The following PGAP1 variants were observed in gnomAD, a reference collection of about 807,000 sequenced individuals.
PGAP1 encodes post-GPI attachment to proteins inositol deacylase 1, also known as GPI inositol-deacylase.
Under a neutral mutation model 127.0 loss-of-function variants are expected in PGAP1, and 76 were observed. That is an observed-to-expected ratio of 0.60 (90% CI 0.50 to 0.72). The LOEUF (loss-of-function observed/expected upper bound fraction) is 0.72. Ranked by LOEUF, PGAP1 falls within the 30% of genes least tolerant of loss-of-function variation. The pLI is 0.00. For synonymous variants in PGAP1, 362 were observed against 366.5 expected, an observed-to-expected ratio of 0.99 and a Z score of 0.14; for missense variants, 982 against 1,071.3, an observed-to-expected ratio of 0.92 and a Z score of 1.16.
intron 4 of PGAP1, among the ~76,000 whole-genome samples, chr2:196,904,159 A>G (rs1022642261): frequency 6.6e-6 from 1 of 152,218 alleles, no homozygotes; most frequent in South Asian, 2.1e-4. Flanking sequence ...CTGGAAGGCC[A>G]GGTTCAAATT....
intron 3 of PGAP1, 124 bp downstream of exon 3, chr2:196,916,294 A>T: frequency 1.2e-6 from 1 of 834,578 alleles, no homozygotes; most frequent in Non-Finnish European, 1.6e-6. Context: ...TCACAAAAAA[A>T]ATTTGTGCCT....
chr2:196,872,909 T>C (rs1224594603), intron 17 of PGAP1, 51 bp downstream of exon 17: 6 of 698,616 alleles, frequency 8.6e-6, no homozygotes, highest in Non-Finnish European at 1.5e-5. Flanking sequence ...AAGCAGAATA[T>C]CTATTATTCA....
intron 25 of PGAP1, among the ~76,000 whole-genome samples, chr2:196,843,102 C>T (rs767215807): frequency 1.3e-5 from 2 of 151,964 alleles, no homozygotes; most frequent in Middle Eastern, 3.4e-3. Context: ...ATGTTTAAAA[C>T]GGCATAAAGT....
Position 196,834,304 on chromosome 2 carries a change from G to A in PGAP1, c.*6930C>T, listed in dbSNP as rs958614426. ...ATTAAGGGAGGCCTCTACAGCAATA[G>A]TTCTGGAAATACTAAAGGAAATACC... On this transcript the variant is annotated 3_prime_UTR_variant, in exon 27 of 27. Transcript: ENST00000354764. 3 of 152,262 alleles carry A rather than the reference G, an allele frequency of 2.0e-5. No homozygotes were observed. Among genetic ancestry groups the A allele is most frequent in the Non-Finnish European group, 4.4e-5 (3 of 67,906 alleles). 9.4% of individuals were successfully genotyped at this position (152,262 alleles called of 1,614,324 possible). A position where few individuals can be genotyped will look rare whatever the true frequency, so the allele number is the denominator to read the frequency against.
In PGAP1 at chr2:196,864,978, C is replaced by T. The variant is rs1418460059; in HGVS notation, c.1861+9G>A. Reference sequence around the variant, plus strand: ...ACAAAAGTAACTTAAAAATTAGAAGCATTCTTACCTGTTGAGAAAAGAGAA... The same window carrying T: ...ACAAAAGTAACTTAAAAATTAGAAGTATTCTTACCTGTTGAGAAAAGAGAA... On this transcript the variant is annotated intron_variant, in intron 20 of 26. Transcript: ENST00000354764. The T allele has an allele frequency of 4.1e-6, 6 of 1,446,936 alleles. No homozygotes were observed. The highest frequency in any genetic ancestry group is 2.9e-5 in the African/African-American group (2 of 68,056). 89.6% of individuals were successfully genotyped at this position (1,446,936 alleles called of 1,614,324 possible).
At position 196,840,872 on chromosome 2, in the gene PGAP1, G is replaced by C. The variant is rs1467268479; in HGVS notation, c.*362C>G. ...GAAAAAAAGTTTGATGAAATGAGCA[G>C]AATGCTTGCAGTGAGACTGCAAATA... On this transcript the variant is annotated 3_prime_UTR_variant, in exon 27 of 27. Transcript: ENST00000354764. 5.9e-6 allele frequency: 1 copy of C among 169,556 alleles called. No homozygotes were observed. The allele number at this position is 169,556 out of a possible 1,614,324, so 10.5% of individuals were successfully genotyped here. A position where few individuals can be genotyped will look rare whatever the true frequency, so the allele number is the denominator to read the frequency against.
chr2:196,851,267 ACT>A (rs1205112156), intron 20 of PGAP1, among the ~76,000 whole-genome samples: 4 of 152,132 alleles, frequency 2.6e-5, no homozygotes, highest in Non-Finnish European at 4.4e-5. Flanking sequence ...GTCACAGAAG[ACT>A]CTGCAAAAAC....
intron 14 of PGAP1, among the ~76,000 whole-genome samples, chr2:196,875,059 A>G (rs922664842): frequency 6.6e-6 from 1 of 152,176 alleles, no homozygotes; most frequent in Admixed American, 6.5e-5. Flanking sequence ...CAAATAAGGA[A>G]CATTGCACAA....
At chr2:196,864,301 A>G (rs1701163198) in intron 20 of PGAP1, among the ~76,000 whole-genome samples, 1 of 151,092 alleles carries the variant, frequency 6.6e-6, no homozygotes, top group South Asian at 2.1e-4. Flanking sequence ...GAGGCAGTAG[A>G]ATCACATGAA....
rs771672387 is a variant in PGAP1 at position 196,885,837 on chromosome 2, A to T, written c.1217T>A (p.Met406Lys). ...WIFACINSTS[M>K]CLQGVDLSWK... ...AACATGCATTCAAAAGACTTACCAC[A>T]TAGAAGTGCTGTTTATGCAAGCAAA... Residue 406 changes from methionine (M) to lysine (K), a missense_variant, in exon 11 of 27, where the codon ATG (methionine) becomes AAG (lysine). Physicochemically the swap from Met to Lys is moderately conservative, Grantham distance 95. Coordinates refer to ENST00000354764, the MANE Select transcript of PGAP1 (RefSeq NM_024989.4). 7.0e-7 allele frequency: 1 copy of T among 1,420,436 alleles called. No individual in the cohort carries two copies. Among genetic ancestry groups the T allele is most frequent in the Non-Finnish European group, 9.2e-7 (1 of 1,083,546 alleles). The allele number at this position is 1,420,436 out of a possible 1,614,324, so 88.0% of individuals were successfully genotyped here. A position where few individuals can be genotyped will look rare whatever the true frequency, so the allele number is the denominator to read the frequency against.
Position 196,836,251 on chromosome 2 carries a change from A to T in PGAP1, c.*4983T>A, listed in dbSNP as rs73062975. On this transcript the variant is annotated 3_prime_UTR_variant, in exon 27 of 27. Coordinates refer to ENST00000354764, the MANE Select transcript of PGAP1 (RefSeq NM_024989.4). Reference sequence around the variant, plus strand: ...CACAGATTGTTTTTGGCAGCATAACATGCCAAACACTTTCAGAAAGTCCTG... The same window carrying T: ...CACAGATTGTTTTTGGCAGCATAACTTGCCAAACACTTTCAGAAAGTCCTG... 6.6e-6 allele frequency: 1 copy of T among 152,468 alleles called. No individual in the cohort carries two copies. The highest frequency in any genetic ancestry group is 1.5e-5 in the Non-Finnish European group (1 of 67,932). The allele number at this position is 152,468 out of a possible 1,614,324, so 9.4% of individuals were successfully genotyped here.
At chr2:196,861,170 T>C (rs965611548) in intron 20 of PGAP1, among the ~76,000 whole-genome samples, 1 of 152,134 alleles carries the variant, frequency 6.6e-6, no homozygotes, top group African/African-American at 2.4e-5. Context: ...TTTCATCATA[T>C]GCAAAAATTA....
intron 21 of PGAP1, chr2:196,847,492 T>C (rs1416512519): frequency 9.7e-6 from 2 of 205,462 alleles, no homozygotes; most frequent in African/African-American, 4.7e-5. Flanking sequence ...CCAAGTTAGT[T>C]GTAATGATGG....
At chr2:196,857,785 A>G (rs1700932506) in intron 20 of PGAP1, among the ~76,000 whole-genome samples, 1 of 152,238 alleles carries the variant, frequency 6.6e-6, no homozygotes, top group Non-Finnish European at 1.5e-5. Flanking sequence ...CTCTGAGAAC[A>G]TCTGCCCAGC....
intron 20 of PGAP1, among the ~76,000 whole-genome samples, chr2:196,864,647 A>G (rs564726717): frequency 6.6e-6 from 1 of 152,244 alleles, no homozygotes; most frequent in South Asian, 2.1e-4. Context: ...GAATGTTAAT[A>G]ATTTGCAGGT....
intron 7 of PGAP1, among the ~76,000 whole-genome samples, chr2:196,894,627 C>G (rs1702214425): frequency 6.6e-6 from 1 of 152,004 alleles, no homozygotes. Context: ...ACGTAGAAAC[C>G]CTGTCTCTAC....
chr2:196,891,944 T>C (rs112892126), intron 9 of PGAP1, among the ~76,000 whole-genome samples: 27 of 152,116 alleles, frequency 1.8e-4, no homozygotes, highest in African/African-American at 6.0e-4. Context: ...AAGGAACATG[T>C]TGAATGACTA....
chr2:196,885,381 A>T (rs747537698), intron 12 of PGAP1, 43 bp downstream of exon 12: 5 of 1,387,274 alleles, frequency 3.6e-6, no homozygotes, highest in East Asian at 2.3e-5. Context: ...AGACTCAAGT[A>T]TTTTTTTCAA....
intron 14 of PGAP1, among the ~76,000 whole-genome samples, chr2:196,874,749 C>T (rs1362888937): frequency 6.6e-6 from 1 of 152,192 alleles, no homozygotes; most frequent in African/African-American, 2.4e-5. Context: ...CACGTTGGCT[C>T]ATGCCTGTAA....
Sources: gnomAD v4.1 joint callset for allele counts (sites outside exome capture counted in the v4.1 genomes callset) on GRCh38, gnomAD v4.1.1 for gene constraint, MANE v1.5 for transcripts, NCBI Gene and HGNC (gene_info 2026-07-23, HGNC 2026-07-21) for gene names.